PLCG2: variants seen among roughly 807,000 people sequenced by gnomAD.
The protein encoded by PLCG2 is phospholipase C gamma 2.
In PLCG2, 69 loss-of-function variants were observed where a neutral mutation model predicts 175.6. That is an observed-to-expected ratio of 0.39 (90% CI 0.32 to 0.48). PLCG2 has a LOEUF of 0.48. Ranked by LOEUF, PLCG2 falls within the 20% of genes least tolerant of loss-of-function variation. PLCG2 has a pLI of 0.91. For synonymous variants in PLCG2, 827 were observed against 624.0 expected (o/e 1.33, Z -4.85); for missense variants, 1,798 against 1,650.9 (o/e 1.09, Z -1.54).
intron 10 of PLCG2, 136 bp from the exon 11 acceptor site, chr16:81,891,336 A>G (rs1227332550): frequency 1.4e-5 from 9 of 663,126 alleles, no homozygotes; most frequent in Middle Eastern, 3.1e-4. Context: ...AACGTGGGTA[A>G]CTGAGGTCTG....
At chr16:81,814,628 G>A (rs1047118651) in intron 2 of PLCG2, among the ~76,000 whole-genome samples, 3 of 152,114 alleles carry the variant, frequency 2.0e-5, no homozygotes, top group Non-Finnish European at 4.4e-5. Context: ...CCGGGAGGTG[G>A]AGGTTGCAGT....
intron 31 of PLCG2, among the ~76,000 whole-genome samples, chr16:81,951,657 T>C (rs1911371199): frequency 6.6e-6 from 1 of 152,208 alleles, no homozygotes; most frequent in African/African-American, 2.4e-5. Flanking sequence ...ACCAATGTCA[T>C]GTGTGAATAT....
rs750059983 is a variant in PLCG2 at position 81,937,733 on chromosome 16, A to G, written c.3053-25A>G. 18 of 1,608,866 alleles carry G rather than the reference A, an allele frequency of 1.1e-5. 1 individual carries two copies. The South Asian group carries it at 2.0e-4, about 18-fold the overall frequency. ...GCCAGCGTGCTCATGCCTGACTTACAGCAGGCGTTCACTTTCCTTCCCAGA... is the reference window on the plus strand; with the variant it reads ...GCCAGCGTGCTCATGCCTGACTTACGGCAGGCGTTCACTTTCCTTCCCAGA... On this transcript the variant is annotated intron_variant, in intron 27 of 32. Coordinates refer to ENST00000564138, the MANE Select transcript of PLCG2 (RefSeq NM_002661.5).
At chr16:81,807,035 C>T (rs938634966) in intron 2 of PLCG2, among the ~76,000 whole-genome samples, 1 of 152,136 alleles carries the variant, frequency 6.6e-6, no homozygotes, top group African/African-American at 2.4e-5. Flanking sequence ...CTCTGGTTGG[C>T]TTTCTCCTGA....
At chr16:81,739,982 A>C (rs554119344) in intron 1 of PLCG2, among the ~76,000 whole-genome samples, 1 of 118,348 alleles carries the variant, frequency 8.4e-6, no homozygotes, top group Non-Finnish European at 2.0e-5. Context: ...TACTAAAAGT[A>C]CAAAAATTAG....
chr16:81,741,224 C>G (rs1165068479), intron 1 of PLCG2, among the ~76,000 whole-genome samples: 1 of 152,048 alleles, frequency 6.6e-6, no homozygotes, highest in Admixed American at 6.6e-5. Flanking sequence ...GTATTAAATA[C>G]CTGCTGTGTG....
In PLCG2 at chr16:81,815,944, C is replaced by T. The variant is rs145552899; in HGVS notation, c.193+29762C>T. On this transcript the variant is annotated intron_variant, in intron 2 of 32. Coordinates refer to ENST00000564138, the MANE Select transcript of PLCG2 (RefSeq NM_002661.5). ...AGGCATGGTGACTTGCGCCTGTAATCCTGGCTACTCAGGAGGCTGAGGCAA... is the reference window on the plus strand; with the variant it reads ...AGGCATGGTGACTTGCGCCTGTAATTCTGGCTACTCAGGAGGCTGAGGCAA... 2.5e-3 allele frequency among the ~76,000 whole-genome samples: 381 copies of T among 152,028 alleles called. 4 individuals are homozygous for T. Among genetic ancestry groups the T allele is most frequent in the African/African-American group, 8.9e-3 (368 of 41,450 alleles).
chr16:81,936,337 T>C lies in PLCG2; in HGVS notation c.3011T>C (p.Leu1004Pro). ...AACTACGACCCCTTCCGCCTCTGGC[T>C]GTGCGGTTCTCAGATGGTGGCACTC... is the stretch of plus-strand genomic sequence containing the variant. ...SSNYDPFRLW[L>P]CGSQMVALNF... is the part of the protein sequence containing the mutation. The change falls in exon 27 of 33, where the codon CTG becomes CCG. Residue 1004 changes from leucine to proline, a missense_variant. Leu to Pro is a moderately conservative substitution (Grantham distance 98, BLOSUM62 -3). Transcript: ENST00000564138. 1 of 1,614,170 alleles carries C rather than the reference T, an allele frequency of 6.2e-7. No individual in the cohort carries two copies. The highest frequency in any genetic ancestry group is 1.1e-5 in the South Asian group (1 of 91,084).
At chr16:81,957,404 C>G (rs1316954133) in intron 32 of PLCG2, among the ~76,000 whole-genome samples, 1 of 152,168 alleles carries the variant, frequency 6.6e-6, no homozygotes, top group East Asian at 1.9e-4. Context: ...TTGCCACTTC[C>G]CCTAAGTAGA....
At chr16:81,802,940 C>G (rs1444071216) in intron 2 of PLCG2, among the ~76,000 whole-genome samples, 1 of 152,002 alleles carries the variant, frequency 6.6e-6, no homozygotes, top group Non-Finnish European at 1.5e-5. Context: ...AGAGTTGTAC[C>G]AACATTATCA....
intron 5 of PLCG2, among the ~76,000 whole-genome samples, chr16:81,860,303 G>C (rs536488387): frequency 5.3e-5 from 8 of 151,834 alleles, no homozygotes; most frequent in African/African-American, 1.9e-4. Context: ...GATGCACAGA[G>C]CGCTGCTCCC....
intron 2 of PLCG2, among the ~76,000 whole-genome samples, chr16:81,825,943 T>A (rs935150190): frequency 6.6e-6 from 1 of 152,158 alleles, no homozygotes; most frequent in Non-Finnish European, 1.5e-5. Context: ...TCAGATGGCA[T>A]TGGACCAGAG....
At chr16:81,889,818 C>G (rs924748983) in intron 10 of PLCG2, among the ~76,000 whole-genome samples, 4 of 152,076 alleles carry the variant, frequency 2.6e-5, no homozygotes, top group African/African-American at 4.8e-5. Context: ...CCATGTCTGG[C>G]TAATTTTTTT....
chr16:81,829,128 A>C (rs1681203269), intron 2 of PLCG2, among the ~76,000 whole-genome samples: 2 of 151,996 alleles, frequency 1.3e-5, no homozygotes, highest in South Asian at 4.1e-4. Context: ...ATTTTTTTTG[A>C]GACGGAGTCT....
At chr16:81,822,322 T>C (rs1904835072) in intron 2 of PLCG2, among the ~76,000 whole-genome samples, 1 of 152,190 alleles carries the variant, frequency 6.6e-6, no homozygotes, top group African/African-American at 2.4e-5. Context: ...GAGATGTCCA[T>C]GTCCTGCTCC....
At position 81,938,747 on chromosome 16, in the gene PLCG2, G is replaced by C. The variant is rs1307003676; in HGVS notation, c.3199-54G>C. 8 of 1,052,422 alleles carry C rather than the reference G, an allele frequency of 7.6e-6. No individual in the cohort carries two copies. In the South Asian group the frequency reaches 9.2e-5, roughly 12 times the overall value. 65.2% of individuals were successfully genotyped at this position (1,052,422 alleles called of 1,614,324 possible). ...TAGAACCCAGCTGCAATCCACGCTA[G>C]GCTGCCTGTTCAGGACCCCAGGGGG... On this transcript the variant is annotated intron_variant, in intron 28 of 32. Transcript: ENST00000564138.
chr16:81,924,592 A>C (rs962668612), intron 22 of PLCG2, among the ~76,000 whole-genome samples: 3 of 152,188 alleles, frequency 2.0e-5, no homozygotes, highest in Non-Finnish European at 4.4e-5. Flanking sequence ...TACACTCTTA[A>C]CTCCATTCAT....
intron 1 of PLCG2, among the ~76,000 whole-genome samples, chr16:81,779,696 G>A (rs1244026494): frequency 6.6e-6 from 1 of 151,996 alleles, no homozygotes; most frequent in African/African-American, 2.4e-5. Flanking sequence ...AGCTTTGAAT[G>A]GGGACCGGGA....
At chr16:81,841,251 T>G (rs983675633) in intron 2 of PLCG2, among the ~76,000 whole-genome samples, 3 of 130,708 alleles carry the variant, frequency 2.3e-5, no homozygotes, top group East Asian at 2.4e-4. Flanking sequence ...TTTATTTATT[T>G]ATTGAGATAG....
Sources: gnomAD v4.1 joint callset for allele counts (sites outside exome capture counted in the v4.1 genomes callset) on GRCh38, gnomAD v4.1.1 for gene constraint, MANE v1.5 for transcripts, NCBI Gene and HGNC (gene_info 2026-07-23, HGNC 2026-07-21) for gene names.